Variants in ARB2A observed in about 807,000 individuals in gnomAD.
ARB2A encodes ARB2 cotranscriptional regulator A.
the ARB2A span, among the ~76,000 whole-genome samples, chr5:93,633,980 C>G: frequency 6.6e-6 from 1 of 152,054 alleles, no homozygotes; most frequent in Non-Finnish European, 1.5e-5. Flanking sequence ...CCAGGCTGGT[C>G]TTGAACTCCT....
chr5:93,801,231 A>G, the ARB2A span, among the ~76,000 whole-genome samples: 1 of 152,244 alleles, frequency 6.6e-6, no homozygotes, highest in African/African-American at 2.4e-5. Flanking sequence ...GACATTTCCA[A>G]TGGAAGAAAA....
the ARB2A span, among the ~76,000 whole-genome samples, chr5:93,665,257 A>G: frequency 6.6e-6 from 1 of 152,262 alleles, no homozygotes; most frequent in Non-Finnish European, 1.5e-5. Flanking sequence ...TTCTTTTAAT[A>G]GTGAAGTTAA....
the ARB2A span, among the ~76,000 whole-genome samples, chr5:93,810,459 G>A: frequency 6.6e-6 from 1 of 152,078 alleles, no homozygotes; most frequent in African/African-American, 2.4e-5. Context: ...ATAGAGTACA[G>A]TGGTCCAACC....
the ARB2A span, among the ~76,000 whole-genome samples, chr5:94,033,188 A>G: frequency 6.6e-6 from 1 of 152,026 alleles, no homozygotes; most frequent in African/African-American, 2.4e-5. Context: ...TTTACAAATT[A>G]CCCAATCTTG....
At chr5:93,755,182 A>T in the ARB2A span, among the ~76,000 whole-genome samples, 1 of 152,164 alleles carries the variant, frequency 6.6e-6, no homozygotes, top group Non-Finnish European at 1.5e-5. Context: ...AATTGTCCTC[A>T]TATTTATACA....
the ARB2A span, among the ~76,000 whole-genome samples, chr5:94,011,489 T>C: frequency 6.6e-6 from 1 of 152,128 alleles, no homozygotes. Context: ...TACTGCCTGA[T>C]AGAGAGTAGA....
the ARB2A span, among the ~76,000 whole-genome samples, chr5:94,050,997 G>C: frequency 6.6e-6 from 1 of 152,034 alleles, no homozygotes; most frequent in Non-Finnish European, 1.5e-5. Flanking sequence ...CAAACATACA[G>C]ATTATGTAAC....
chr5:93,955,760 G>T, the ARB2A span, among the ~76,000 whole-genome samples: 1 of 152,132 alleles, frequency 6.6e-6, no homozygotes, highest in Non-Finnish European at 1.5e-5. Flanking sequence ...AGCTGTGTGG[G>T]ACTGCCTGGC....
the ARB2A span, among the ~76,000 whole-genome samples, chr5:94,018,927 G>A: frequency 6.6e-6 from 1 of 152,126 alleles, no homozygotes; most frequent in Admixed American, 6.5e-5. Context: ...CAAAGCTACA[G>A]TAACCAAAAC....
At chr5:93,835,046 T>C in the ARB2A span, among the ~76,000 whole-genome samples, 1 of 152,196 alleles carries the variant, frequency 6.6e-6, no homozygotes, top group Non-Finnish European at 1.5e-5. Context: ...ACTAAATCCA[T>C]TAATTAGTAT....
chr5:94,028,812 C>T, the ARB2A span, among the ~76,000 whole-genome samples: 14 of 152,234 alleles, frequency 9.2e-5, no homozygotes, highest in East Asian at 2.7e-3. Flanking sequence ...TCATGACTTT[C>T]TCCCTAAATA....
the ARB2A span, among the ~76,000 whole-genome samples, chr5:93,942,625 A>C: frequency 6.6e-6 from 1 of 151,832 alleles, no homozygotes; most frequent in Admixed American, 6.6e-5. Flanking sequence ...TAGTTAAGTC[A>C]ATAACTACAA....
chr5:93,928,733 G>A, the ARB2A span, among the ~76,000 whole-genome samples: 1 of 151,940 alleles, frequency 6.6e-6, no homozygotes, highest in Non-Finnish European at 1.5e-5. Flanking sequence ...TTAATAATAG[G>A]ACAAGAAAAC....
the ARB2A span, among the ~76,000 whole-genome samples, chr5:93,883,765 T>G: frequency 6.6e-6 from 1 of 151,420 alleles, no homozygotes; most frequent in African/African-American, 2.4e-5. Context: ...CTGTCTCTGG[T>G]GTAAGGAACA....
the ARB2A span, among the ~76,000 whole-genome samples, chr5:93,764,390 A>G: frequency 1.3e-5 from 2 of 152,242 alleles, no homozygotes; most frequent in Non-Finnish European, 2.9e-5. Flanking sequence ...CCACAGAAAT[A>G]CAAACTACCA....
chr5:93,927,009 C>A, the ARB2A span, among the ~76,000 whole-genome samples: 3 of 144,820 alleles, frequency 2.1e-5, no homozygotes, highest in Non-Finnish European at 1.5e-5. Flanking sequence ...AGGCTCATCC[C>A]AAAATGAAAA....
chr5:93,965,659 C>T, the ARB2A span, among the ~76,000 whole-genome samples: 2 of 151,954 alleles, frequency 1.3e-5, no homozygotes, highest in African/African-American at 2.4e-5. Flanking sequence ...TGTTTCTCCA[C>T]CCCAAAATGT....
At chr5:93,974,093 A>G in the ARB2A span, among the ~76,000 whole-genome samples, 1 of 152,194 alleles carries the variant, frequency 6.6e-6, no homozygotes, top group African/African-American at 2.4e-5. Context: ...CACTTAAAAG[A>G]CACTGAGTGG....
chr5:93,633,619 A>G, the ARB2A span, among the ~76,000 whole-genome samples: 1 of 152,160 alleles, frequency 6.6e-6, no homozygotes, highest in South Asian at 2.1e-4. Flanking sequence ...ACATTTCTGT[A>G]TTAGCTTATG....
Sources: gnomAD v4.1 joint callset for allele counts (sites outside exome capture counted in the v4.1 genomes callset) on GRCh38, gnomAD v4.1.1 for gene constraint, MANE v1.5 for transcripts, NCBI Gene and HGNC (gene_info 2026-07-23, HGNC 2026-07-21) for gene names.